NLRP5: variants seen among roughly 807,000 people sequenced by gnomAD.
The protein encoded by NLRP5 is NLR family pyrin domain containing 5.
In NLRP5, 93 loss-of-function variants were observed where a neutral mutation model predicts 113.1. That is an observed-to-expected ratio of 0.82 (90% CI 0.70 to 0.98). NLRP5 has a LOEUF of 0.98. Ranked by LOEUF, NLRP5 falls within the 50% of genes least tolerant of loss-of-function variation. NLRP5 has a pLI of 0.00. For synonymous variants in NLRP5, 751 were observed against 600.7 expected, an observed-to-expected ratio of 1.25 and a Z score of -3.66; for missense variants, 1,808 against 1,514.3, an observed-to-expected ratio of 1.19 and a Z score of -3.22.
At chr19:56,043,542 CTTTTTTTTTTTTTT>C (rs369622191) in intron 11 of NLRP5, among the ~76,000 whole-genome samples, 54 of 92,918 alleles carry the variant, frequency 5.8e-4, no homozygotes, top group African/African-American at 9.0e-4. Context: ...CTCTGCTATT[CTTTTTTTTTTTTTT>C]TTTTTTTTTT....
Position 56,033,572 on chromosome 19 carries a change from G to A in NLRP5, c.2478G>A (p.Val826=), listed in dbSNP as rs1983203075. 5.0e-6 allele frequency: 8 copies of A among 1,613,766 alleles called. No homozygotes were observed. Among genetic ancestry groups the A allele is most frequent in the South Asian group, 1.1e-5 (1 of 91,070 alleles). ...GAAATGCACAGATTACCCCTGGTGT[G>A]CAGCACCTCTGGAGAATCGTCATGG... Residue 826 remains valine (V), a synonymous_variant, in exon 9 of 15, where the codon GTG becomes GTA. Transcript: ENST00000390649.
upstream of NLRP5, among the ~76,000 whole-genome samples, chr19:55,997,574 G>A (rs953195812): frequency 3.3e-5 from 5 of 152,168 alleles, no homozygotes; most frequent in African/African-American, 1.2e-4. Flanking sequence ...GCTCATACCT[G>A]TAATCCCAGC....
chr19:56,044,697 T>C (rs951589365), intron 11 of NLRP5, among the ~76,000 whole-genome samples: 2 of 143,836 alleles, frequency 1.4e-5, no homozygotes, highest in African/African-American at 2.6e-5. Context: ...ATGCTGGCTC[T>C]TTTTTTGGTT....
At position 56,026,980 on chromosome 19, in the gene NLRP5, A is replaced by G. The variant is rs1227002895; in HGVS notation, c.747A>G (p.Val249=). ...CCAAATTCGCTGAGGAGGAGGATGT[A>G]CGTCGTAGTTTTGAAAACACTGCTG... Residue 249 remains valine, a synonymous_variant, in exon 7 of 15, where the codon GTA becomes GTG. Transcript: ENST00000390649. The G allele has an allele frequency of 6.4e-7, 1 of 1,551,772 alleles. No homozygotes were observed. The highest frequency in any genetic ancestry group is 8.7e-7 in the Non-Finnish European group (1 of 1,147,012).
chr19:56,006,348 A>G (rs940246176), intron 2 of NLRP5, among the ~76,000 whole-genome samples: 4 of 152,170 alleles, frequency 2.6e-5, no homozygotes, highest in Non-Finnish European at 4.4e-5. Flanking sequence ...TGGGTGCAGC[A>G]CACCAACATA....
In NLRP5 at chr19:56,053,683, CTG is replaced by C; in HGVS notation, c.3179_3180del (p.Val1060AspfsTer19). On this transcript the variant is annotated frameshift_variant, in exon 13 of 15. Transcript: ENST00000390649. LOFTEE classifies it high-confidence loss of function. ...CCGCCGCGTGCTGTGAGAGTCTGTCCTGTGTGATCTCGAGGAGCAGACACCTG... is the reference window on the plus strand; with the variant it reads ...CCGCCGCGTGCTGTGAGAGTCTGTCCTGTGATCTCGAGGAGCAGACACCTG... 1.9e-6 allele frequency: 3 copies of C among 1,613,962 alleles called. No individual in the cohort carries two copies. Among genetic ancestry groups the C allele is most frequent in the Non-Finnish European group, 2.5e-6 (3 of 1,179,884 alleles).
chr19:55,991,492 C>T, the NLRP5 span, among the ~76,000 whole-genome samples: 4 of 152,058 alleles, frequency 2.6e-5, no homozygotes, highest in Non-Finnish European at 5.9e-5. Context: ...CCACATTGAG[C>T]CTTTTATCTA....
chr19:56,015,496 T>C (rs942463050), intron 3 of NLRP5, among the ~76,000 whole-genome samples: 17 of 152,134 alleles, frequency 1.1e-4, no homozygotes, highest in African/African-American at 3.9e-4. Context: ...GTGCCTGGCA[T>C]TGTTCATTTT....
intron 13 of NLRP5, among the ~76,000 whole-genome samples, chr19:56,056,529 C>A (rs1470822509): frequency 6.6e-6 from 1 of 152,018 alleles, no homozygotes; most frequent in Non-Finnish European, 1.5e-5. Flanking sequence ...TGCACTCCAG[C>A]CTGGGCAACA....
At chr19:56,001,737 G>T (rs1416257226) in intron 1 of NLRP5, among the ~76,000 whole-genome samples, 1 of 152,158 alleles carries the variant, frequency 6.6e-6, no homozygotes, top group Admixed American at 6.6e-5. Flanking sequence ...CTGTGTATCT[G>T]CAAGTTTAGC....
chr19:56,022,738 T>C (rs1053916215), intron 6 of NLRP5, among the ~76,000 whole-genome samples: 6 of 152,228 alleles, frequency 3.9e-5, no homozygotes, highest in African/African-American at 1.2e-4. Flanking sequence ...TTGTTTTTTG[T>C]TTTGAGACTG....
upstream of NLRP5, among the ~76,000 whole-genome samples, chr19:55,996,473 G>C (rs1338258336): frequency 6.6e-6 from 1 of 152,038 alleles, no homozygotes. Context: ...TTTACATTAG[G>C]TATATCTCCT....
the NLRP5 span, among the ~76,000 whole-genome samples, chr19:55,993,065 T>C: frequency 6.6e-6 from 1 of 151,900 alleles, no homozygotes; most frequent in East Asian, 2.0e-4. Context: ...GTCAGGCTGG[T>C]CTTGAACTCC....
chr19:56,045,951 C>T (rs1222810063), intron 11 of NLRP5, among the ~76,000 whole-genome samples: 1 of 152,182 alleles, frequency 6.6e-6, no homozygotes, highest in East Asian at 1.9e-4. Context: ...AAGAGGCCTT[C>T]TGGATGTGTA....
intron 6 of NLRP5, among the ~76,000 whole-genome samples, chr19:56,025,386 TTC>T (rs3055366): frequency 0.011 from 1,568 of 145,670 alleles, 16 homozygotes; most frequent in Middle Eastern, 0.059. Flanking sequence ...ACGTGCTCCG[TTC>T]TCTCTCTCTC....
chr19:56,004,178 A>G lies in NLRP5; in HGVS notation c.442+83A>G, dbSNP rs1441619679. 3 of 1,407,530 alleles carry G rather than the reference A, an allele frequency of 2.1e-6. No homozygotes were observed. In the East Asian group the frequency reaches 6.9e-5, roughly 32 times the overall value. The allele number at this position is 1,407,530 out of a possible 1,614,324, so 87.2% of individuals were successfully genotyped here. A position where few individuals can be genotyped will look rare whatever the true frequency, so the allele number is the denominator to read the frequency against. Reference sequence around the variant, plus strand: ...TGGGAACAGGGAAGAATCGTTGTTCAGTAACCGGCTCCACCTCTGCAGTGT... The same window carrying G: ...TGGGAACAGGGAAGAATCGTTGTTCGGTAACCGGCTCCACCTCTGCAGTGT... On this transcript the variant is annotated intron_variant, in intron 2 of 14. Coordinates refer to ENST00000390649, the MANE Select transcript of NLRP5 (RefSeq NM_153447.4).
intron 6 of NLRP5, among the ~76,000 whole-genome samples, chr19:56,024,390 A>G (rs1376483969): frequency 7.9e-5 from 10 of 126,728 alleles, no homozygotes; most frequent in Middle Eastern, 4.1e-3. Context: ...TATATAACAT[A>G]TATACATATA....
chr19:56,034,605 G>A (rs903452576), intron 9 of NLRP5, among the ~76,000 whole-genome samples: 4 of 152,182 alleles, frequency 2.6e-5, no homozygotes, highest in African/African-American at 4.8e-5. Flanking sequence ...CAGGAGCCAC[G>A]TGTGTCTTCC....
At chr19:56,023,422 T>C (rs150713296) in intron 6 of NLRP5, among the ~76,000 whole-genome samples, 343 of 152,332 alleles carry the variant, frequency 2.3e-3, no homozygotes, top group African/African-American at 8.0e-3. Context: ...CCGTTTCCCA[T>C]GGGTTCTGTG....
Sources: gnomAD v4.1 joint callset for allele counts (sites outside exome capture counted in the v4.1 genomes callset) on GRCh38, gnomAD v4.1.1 for gene constraint, MANE v1.5 for transcripts, NCBI Gene and HGNC (gene_info 2026-07-23, HGNC 2026-07-21) for gene names.